The following SARAF variants were observed in gnomAD, a reference collection of about 807,000 sequenced individuals.
SARAF encodes the protein store-operated calcium entry associated regulatory factor, also known as store-operated calcium entry-associated regulatory factor.
In SARAF, 23 loss-of-function variants were observed where a neutral mutation model predicts 39.7. The observed-to-expected ratio is 0.58, with a 90% CI of 0.42 to 0.82. The LOEUF (loss-of-function observed/expected upper bound fraction) is 0.82, where lower values mean the gene tolerates loss of function less well. SARAF is among the 40% of genes least tolerant of loss of function. The pLI is 0.00. For synonymous variants in SARAF, 175 were observed against 168.5 expected (o/e 1.04, Z -0.30); for missense variants, 384 against 418.5 (o/e 0.92, Z 0.72).
At position 30,063,237 on chromosome 8, in the gene SARAF, A is replaced by C. The variant is rs1277186201; in HGVS notation, c.*651T>G. ...TTGACCTTTACCTCTTATGAACGAA[A>C]GAAATATAGAGGTTTCAAGCATTTT... On this transcript the variant is annotated 3_prime_UTR_variant, in exon 6 of 6. Coordinates refer to ENST00000256255, the MANE Select transcript of SARAF (RefSeq NM_016127.6). The C allele has an allele frequency of 6.6e-6, 1 of 152,302 alleles. No individual in the cohort carries two copies. The highest frequency in any genetic ancestry group is 6.5e-5 in the Admixed American group (1 of 15,292). 9.4% of individuals were successfully genotyped at this position (152,302 alleles called of 1,614,324 possible).
chr8:30,069,871 A>C lies in SARAF; in HGVS notation c.471T>G (p.Ser157=), dbSNP rs1585437018. 4.3e-6 allele frequency: 7 copies of C among 1,614,062 alleles called. No individual in the cohort carries two copies. The highest frequency in any genetic ancestry group is 5.9e-6 in the Non-Finnish European group (7 of 1,180,022). Residue 157 remains serine (S), a synonymous_variant, in exon 3 of 6, where the codon TCT becomes TCG. Coordinates refer to ENST00000256255, the MANE Select transcript of SARAF (RefSeq NM_016127.6). Reference sequence around the variant, plus strand: ...ACCACTTATAATAATAATCAGAGAAAGAGGCAAAGCCGTGCTGCTTTCCAG... The same window carrying C: ...ACCACTTATAATAATAATCAGAGAACGAGGCAAAGCCGTGCTGCTTTCCAG... ...KESGKQHGFA[S]FSDYYYKWSS... is the part of the protein sequence containing the mutation.
At chr8:30,070,579 GTA>G (rs1380217098) in intron 2 of SARAF, among the ~76,000 whole-genome samples, 4 of 152,136 alleles carry the variant, frequency 2.6e-5, no homozygotes, top group Non-Finnish European at 5.9e-5. Context: ...TGGATATTGC[GTA>G]TATGAGTATT....
At chr8:30,075,580 A>G (rs1801939336) in intron 1 of SARAF, among the ~76,000 whole-genome samples, 1 of 152,244 alleles carries the variant, frequency 6.6e-6, no homozygotes, top group African/African-American at 2.4e-5. Context: ...TCCTTCAGCT[A>G]GTAAACACAG....
rs2117420496 is a variant in SARAF, at chr8:30,066,132, T to C, written c.850A>G (p.Thr284Ala). ...GYLFGSNRAATPFSDSWYYPS... is the reference protein window; with the variant it reads ...GYLFGSNRAAAPFSDSWYYPS... Reference sequence around the variant, plus strand: ...TAGTACCACGAGTCTGAGAAGGGTGTTGCCGCTCTTTAAAGGGATAAAAGT... The same window carrying C: ...TAGTACCACGAGTCTGAGAAGGGTGCTGCCGCTCTTTAAAGGGATAAAAGT... The change falls in exon 5 of 6, where the codon ACA becomes GCA. Residue 284 changes from threonine to alanine, a missense_variant. Thr to Ala is a moderately conservative substitution (Grantham distance 58, BLOSUM62 0). Transcript: ENST00000256255. 3.1e-6 allele frequency: 5 copies of C among 1,613,934 alleles called. No individual in the cohort carries two copies. Among genetic ancestry groups the C allele is most frequent in the African/African-American group, 1.3e-5 (1 of 75,030 alleles).
At position 30,063,858 on chromosome 8, in the gene SARAF, G is replaced by A. The variant is rs763594066; in HGVS notation, c.*30C>T. 1 of 1,607,654 alleles carries A rather than the reference G, an allele frequency of 6.2e-7. No individual in the cohort carries two copies. The highest frequency in any genetic ancestry group is 8.5e-7 in the Non-Finnish European group (1 of 1,174,574). On this transcript the variant is annotated 3_prime_UTR_variant, in exon 6 of 6. Transcript: ENST00000256255. ...AAGTGATGAAAAATCCAAAATTTCT[G>A]CATCCAGTGTTTGACTCCAACTTTC...
chr8:30,068,958 CA>C (rs1399710778), intron 3 of SARAF, among the ~76,000 whole-genome samples: 2 of 151,914 alleles, frequency 1.3e-5, no homozygotes, highest in African/African-American at 4.8e-5. Flanking sequence ...AAGGTCATAA[CA>C]AATATTCTCC....
rs374118510 is a variant in SARAF, at chr8:30,063,837, G to A, written c.*51C>T. 33 of 1,538,362 alleles carry A rather than the reference G, an allele frequency of 2.1e-5. No individual in the cohort carries two copies. Among genetic ancestry groups the A allele is most frequent in the Non-Finnish European group, 2.9e-5 (32 of 1,111,842 alleles). ...AGTACTTTTTTTCTAAAGAGAAAGT[G>A]ATGAAAAATCCAAAATTTCTGCATC... On this transcript the variant is annotated 3_prime_UTR_variant, in exon 6 of 6. Transcript: ENST00000256255.
At chr8:30,067,960 T>C (rs1332000465) in intron 3 of SARAF, among the ~76,000 whole-genome samples, 4 of 152,228 alleles carry the variant, frequency 2.6e-5, no homozygotes, top group Admixed American at 6.5e-5. Context: ...CCAGTCACTC[T>C]ACATTCTTGC....
chr8:30,068,437 C>T (rs1801742136), intron 3 of SARAF, among the ~76,000 whole-genome samples: 1 of 152,178 alleles, frequency 6.6e-6, no homozygotes. Context: ...AAGCTCAGGG[C>T]TCCCACTGAT....
In SARAF at chr8:30,063,894, T is replaced by A; in HGVS notation, c.1014A>T (p.Arg338Ser). The A allele has an allele frequency of 6.2e-7, 1 of 1,613,286 alleles. No individual in the cohort carries two copies. The highest frequency in any genetic ancestry group is 8.5e-7 in the Non-Finnish European group (1 of 1,179,504). ...RTASGYGGTR[R>S]R ...TTGACTCCAACTTTCTACTTTATCG[T>A]CTCCTGGTACCACCATATCCTAGAA... The change falls in exon 6 of 6, where the codon AGA becomes AGT. Residue 338 changes from arginine to serine, a missense_variant. Coordinates refer to ENST00000256255, the MANE Select transcript of SARAF (RefSeq NM_016127.6).
intron 2 of SARAF, among the ~76,000 whole-genome samples, chr8:30,070,639 C>T (rs534574074): frequency 6.6e-6 from 1 of 152,242 alleles, no homozygotes; most frequent in South Asian, 2.1e-4. Flanking sequence ...TCCATCTGAA[C>T]ATATTAAGTA....
chr8:30,070,449 A>G (rs1171704150), intron 2 of SARAF, among the ~76,000 whole-genome samples: 1 of 152,196 alleles, frequency 6.6e-6, no homozygotes, highest in Non-Finnish European at 1.5e-5. Context: ...CCGTCATAAA[A>G]TTGCAAAATG....
chr8:30,082,808 A>C, intron 1 of SARAF, 39 bp downstream of exon 1: 2 of 1,453,696 alleles, frequency 1.4e-6, no homozygotes, highest in South Asian at 2.7e-5. Context: ...GCGGCGGAAA[A>C]GGGCGAACGA....
intron 3 of SARAF, among the ~76,000 whole-genome samples, chr8:30,069,192 T>C (rs1801769755): frequency 7.6e-6 from 1 of 132,426 alleles, no homozygotes; most frequent in Admixed American, 9.4e-5. Context: ...CAGGCTGGAG[T>C]GCAGTGGCGC....
chr8:30,074,710 T>C (rs1206572225), intron 1 of SARAF, among the ~76,000 whole-genome samples: 1 of 152,130 alleles, frequency 6.6e-6, no homozygotes, highest in African/African-American at 2.4e-5. Context: ...AATAAGTATC[T>C]AGTCTAGGGA....
At chr8:30,068,120 G>A (rs1167931343) in intron 3 of SARAF, among the ~76,000 whole-genome samples, 1 of 152,148 alleles carries the variant, frequency 6.6e-6, no homozygotes, top group African/African-American at 2.4e-5. Context: ...TGTAAATCAT[G>A]GGTTGGGACC....
intron 5 of SARAF, among the ~76,000 whole-genome samples, chr8:30,064,562 T>TATATATATATATATA (rs1182365966): frequency 1.1e-3 from 21 of 18,632 alleles, no homozygotes; most frequent in African/African-American, 2.0e-3. Flanking sequence ...TATATATATA[T>TATATATATATATATA]TTTTTTTTTT....
chr8:30,075,202 A>C (rs373122366), intron 1 of SARAF, among the ~76,000 whole-genome samples: 1 of 151,948 alleles, frequency 6.6e-6, no homozygotes, highest in Non-Finnish European at 1.5e-5. Flanking sequence ...TGGGAGGGTG[A>C]GGCAGGAGAA....
chr8:30,083,167 C>T (rs1802153819), upstream of SARAF: 2 of 460,818 alleles, frequency 4.3e-6, no homozygotes. Flanking sequence ...GGGCCCCCGC[C>T]CCTGGAGCAC....
Sources: allele counts gnomAD v4.1 joint callset (sites outside exome capture counted in the v4.1 genomes callset), GRCh38; gene constraint gnomAD v4.1.1; transcripts MANE v1.5; gene names NCBI Gene and HGNC (gene_info 2026-07-23, HGNC 2026-07-21).